The following ABCG4 variants were observed in gnomAD, a reference collection of about 807,000 sequenced individuals.
ABCG4 encodes the protein ATP-binding cassette sub-family G member 4.
In ABCG4, 35 loss-of-function variants were observed where a neutral mutation model predicts 64.6. The ratio of observed to expected loss-of-function variants is 0.54; its 90% CI spans 0.41 to 0.72. The LOEUF (loss-of-function observed/expected upper bound fraction) is 0.72, where lower values mean the gene tolerates loss of function less well. ABCG4 is among the 30% of genes least tolerant of loss of function. The pLI is 0.00. For missense variants in ABCG4, 610 were observed against 846.3 expected (o/e 0.72, Z 3.46); for synonymous variants, 326 against 348.2 (o/e 0.94, Z 0.71).
chr11:119,153,970 G>A, intron 2 of ABCG4, 56 bp from the exon 3 acceptor site: 1 of 1,455,814 alleles, frequency 6.9e-7, no homozygotes, highest in Non-Finnish European at 9.6e-7. Context: ...TAAGAATTTT[G>A]GGGGTACCTC....
Position 119,156,856 on chromosome 11 carries a change from C to T in ABCG4, c.926-16C>T, listed in dbSNP as rs1201347026. The T allele has an allele frequency of 5.6e-6, 9 of 1,602,768 alleles. No homozygotes were observed. The highest frequency in any genetic ancestry group is 7.7e-6 in the Non-Finnish European group (9 of 1,173,936). On this transcript the variant is annotated splice_polypyrimidine_tract_variant and intron_variant, in intron 8 of 14. Transcript: ENST00000619701. This position sits in a 1 kb window ranked among gnomAD's most constrained non-coding sequence, Gnocchi z 5.5. ...GAGTGTGAATCTAAACTGAGCTCTCCACTCTGTGTCCCCAGTCATCGAGGT... is the reference window on the plus strand; with the variant it reads ...GAGTGTGAATCTAAACTGAGCTCTCTACTCTGTGTCCCCAGTCATCGAGGT...
Position 119,150,254 on chromosome 11 carries a change from C to T in ABCG4, c.238+51C>T, listed in dbSNP as rs748123179. The T allele has an allele frequency of 1.3e-6, 2 of 1,585,394 alleles. No homozygotes were observed. Among genetic ancestry groups the T allele is most frequent in the Admixed American group, 3.4e-5 (2 of 58,638 alleles). On this transcript the variant is annotated intron_variant, in intron 2 of 14. Transcript: ENST00000619701. The surrounding 1 kb of genome is among the most constrained non-coding windows in gnomAD (Gnocchi z 4.3). ...TCCGTGGGCCCTCTCTGAGTTGCCT[C>T]TCCAGAAGCATGAGGCCTGGGTGTC... is the stretch of plus-strand genomic sequence containing the variant.
rs1948241546 is a variant in ABCG4, at chr11:119,154,658, G to T, written c.540+83G>T. 6.3e-7 allele frequency: 1 copy of T among 1,598,154 alleles called. No homozygotes were observed. The highest frequency in any genetic ancestry group is 1.3e-5 in the African/African-American group (1 of 74,282). ...GGCCCCGAGCTGGGAGTGGGAGAGTGGTGGCCTAGGCCGAGACAATGCACT... is the reference window on the plus strand; with the variant it reads ...GGCCCCGAGCTGGGAGTGGGAGAGTTGTGGCCTAGGCCGAGACAATGCACT... On this transcript the variant is annotated intron_variant, in intron 5 of 14. Coordinates refer to ENST00000619701, the MANE Select transcript of ABCG4 (RefSeq NM_022169.5). The surrounding 1 kb of genome is among the most constrained non-coding windows in gnomAD (Gnocchi z 7.0).
In ABCG4 at chr11:119,156,747, A is replaced by T; in HGVS notation, c.925+69A>T. 1 of 1,596,050 alleles carries T rather than the reference A, an allele frequency of 6.3e-7. No individual in the cohort carries two copies. Among genetic ancestry groups the T allele is most frequent in the Non-Finnish European group, 8.6e-7 (1 of 1,164,370 alleles). Reference sequence around the variant, plus strand: ...CCGAACCTGGGGTCTCTGGTCTTGCACTCAGGCCTCCTAGGGGTAGAGATC... The same window carrying T: ...CCGAACCTGGGGTCTCTGGTCTTGCTCTCAGGCCTCCTAGGGGTAGAGATC... On this transcript the variant is annotated intron_variant, in intron 8 of 14. Coordinates refer to ENST00000619701, the MANE Select transcript of ABCG4 (RefSeq NM_022169.5). This position sits in a 1 kb window ranked among gnomAD's most constrained non-coding sequence, Gnocchi z 5.5.
At chr11:119,159,005 C>T in intron 12 of ABCG4, 76 bp downstream of exon 12, 1 of 1,404,564 alleles carries the variant, frequency 7.1e-7, no homozygotes, top group Non-Finnish European at 1.0e-6. Context: ...TTGCCTCCCT[C>T]AAACTTGTCA....
Position 119,156,960 on chromosome 11 carries a change from G to T in ABCG4, c.1014G>T (p.Lys338Asn). The T allele has an allele frequency of 6.2e-7, 1 of 1,613,996 alleles. No homozygotes were observed. The highest frequency in any genetic ancestry group is 8.5e-7 in the Non-Finnish European group (1 of 1,179,950). Residue 338 changes from lysine to asparagine, a missense_variant, in exon 9 of 15, where the codon AAG becomes AAT. By Grantham distance (94) the Lys-to-Asn change is moderately conservative. Coordinates refer to ENST00000619701, the MANE Select transcript of ABCG4 (RefSeq NM_022169.5). The surrounding 1 kb of genome is among the most constrained non-coding windows in gnomAD (Gnocchi z 5.5). ...VQNGLCAMAE[K>N]KSSPEKNEVP... ...ATGGGCTGTGCGCTATGGCTGAGAAGAAGAGCAGCCCTGAGAAGAACGAGG... is the reference window on the plus strand; with the variant it reads ...ATGGGCTGTGCGCTATGGCTGAGAATAAGAGCAGCCCTGAGAAGAACGAGG...
Position 119,158,883 on chromosome 11 carries a change from T to C in ABCG4, c.1391T>C (p.Leu464Pro). ...GAGCACCTCAACTACTGGTACAGCC[T>C]CAAAGCGTATTACCTGGCCAAGACC... ...MREHLNYWYS[L>P]KAYYLAKTMA... Residue 464 changes from leucine (L) to proline (P), a missense_variant, in exon 12 of 15, where the codon CTC becomes CCC. By Grantham distance (98) the Leu-to-Pro change is moderately conservative. Coordinates refer to ENST00000619701, the MANE Select transcript of ABCG4 (RefSeq NM_022169.5). This position sits in a 1 kb window ranked among gnomAD's most constrained non-coding sequence, Gnocchi z 4.5. 6.2e-7 allele frequency: 1 copy of C among 1,614,218 alleles called. No homozygotes were observed. Among genetic ancestry groups the C allele is most frequent in the Non-Finnish European group, 8.5e-7 (1 of 1,180,032 alleles).
rs1321691506 is a variant in ABCG4 at position 119,156,455 on chromosome 11, G to A, written c.810+3G>A. The stretch of plus-strand genomic sequence containing the variant: ...AGCTCTTTGAGATGTTTGACAAGGT[G>A]AGTGTCTCCAGGCCTCAAGGAGGAT... On this transcript the variant is annotated splice_donor_region_variant and intron_variant, in intron 7 of 14. Coordinates refer to ENST00000619701, the MANE Select transcript of ABCG4 (RefSeq NM_022169.5). The surrounding 1 kb of genome is among the most constrained non-coding windows in gnomAD (Gnocchi z 5.5). 1.2e-6 allele frequency: 2 copies of A among 1,614,128 alleles called. No homozygotes were observed. The highest frequency in any genetic ancestry group is 2.7e-5 in the African/African-American group (2 of 75,048).
chr11:119,158,427 T>C lies in ABCG4; in HGVS notation c.1167+95T>C. The C allele has an allele frequency of 6.4e-7, 1 of 1,556,990 alleles. No homozygotes were observed. The highest frequency in any genetic ancestry group is 8.9e-7 in the Non-Finnish European group (1 of 1,129,698). ...CTGAAATGGGAATGGGGACCCTCCC[T>C]CACAGCCCTGCAATGTGCCTGTGGG... is the stretch of plus-strand genomic sequence containing the variant. On this transcript the variant is annotated intron_variant, in intron 10 of 14. Coordinates refer to ENST00000619701, the MANE Select transcript of ABCG4 (RefSeq NM_022169.5). The surrounding 1 kb of genome is among the most constrained non-coding windows in gnomAD (Gnocchi z 4.5).
In ABCG4 at chr11:119,158,398, G is replaced by A. The variant is rs759214504; in HGVS notation, c.1167+66G>A. Reference sequence around the variant, plus strand: ...TGACCTTTTGGGCTGTAGGATCCCAGCAGCTGAAATGGGAATGGGGACCCT... The same window carrying A: ...TGACCTTTTGGGCTGTAGGATCCCAACAGCTGAAATGGGAATGGGGACCCT... On this transcript the variant is annotated intron_variant, in intron 10 of 14. Transcript: ENST00000619701. The surrounding 1 kb of genome is among the most constrained non-coding windows in gnomAD (Gnocchi z 4.5). 1.5e-5 allele frequency: 23 copies of A among 1,580,998 alleles called. No homozygotes were observed. The highest frequency in any genetic ancestry group is 1.9e-5 in the Non-Finnish European group (22 of 1,151,272).
rs150041774 is a variant in ABCG4, at chr11:119,156,048, T to A, written c.687-281T>A. 2.4e-6 allele frequency: 1 copy of A among 411,120 alleles called. No homozygotes were observed. The allele number at this position is 411,120 out of a possible 1,614,324, so 25.5% of individuals were successfully genotyped here. ...ACCCAAAATCATCTGTGTGCTTGTC[T>A]CTCTCTCCTTCCAGACCAGAGTCTA... On this transcript the variant is annotated intron_variant, in intron 6 of 14. Transcript: ENST00000619701. This position sits in a 1 kb window ranked among gnomAD's most constrained non-coding sequence, Gnocchi z 5.5.
chr11:119,154,264 T>C lies in ABCG4; in HGVS notation c.361T>C (p.Ser121Pro). The C allele has an allele frequency of 6.2e-7, 1 of 1,613,770 alleles. No individual in the cohort carries two copies. The highest frequency in any genetic ancestry group is 8.5e-7 in the Non-Finnish European group (1 of 1,179,914). The change falls in exon 4 of 15, where the codon TCT becomes CCT. Residue 121 changes from serine to proline, a missense_variant. Ser to Pro is a moderately conservative substitution (Grantham distance 74). Coordinates refer to ENST00000619701, the MANE Select transcript of ABCG4 (RefSeq NM_022169.5). This position sits in a 1 kb window ranked among gnomAD's most constrained non-coding sequence, Gnocchi z 7.0. ...CCTCAACCCACATCCCTGCAGGGAG[T>C]CTGGAATGAAGGGGCAGATCCTGGT... The part of the protein sequence containing the change: ...FMNILAGYRE[S>P]GMKGQILVNG...
chr11:119,158,264 G>A lies in ABCG4; in HGVS notation c.1099G>A (p.Ala367Thr), dbSNP rs1948294419. 1 of 1,600,362 alleles carries A rather than the reference G, an allele frequency of 6.2e-7. No individual in the cohort carries two copies. The highest frequency in any genetic ancestry group is 1.1e-5 in the South Asian group (1 of 90,398). Reference sequence around the variant, plus strand: ...GGATCCCATTGAAAGCCACACCTTTGCCACCAGCACCCTCACACAGTTCTG... The same window carrying A: ...GGATCCCATTGAAAGCCACACCTTTACCACCAGCACCCTCACACAGTTCTG... ...EVDPIESHTF[A>T]TSTLTQFCIL... Residue 367 changes from alanine (A) to threonine (T), a missense_variant, in exon 10 of 15, where the codon GCC (alanine) becomes ACC (threonine). Transcript: ENST00000619701. This position sits in a 1 kb window ranked among gnomAD's most constrained non-coding sequence, Gnocchi z 4.5.
In ABCG4 at chr11:119,158,274, C is replaced by G; in HGVS notation, c.1109C>G (p.Thr370Ser). Reference protein sequence around the residue: ...PIESHTFATSTLTQFCILFKR... With the variant: ...PIESHTFATSSLTQFCILFKR... ...GAAAGCCACACCTTTGCCACCAGCA[C>G]CCTCACACAGTTCTGCATCCTCTTC... is the stretch of plus-strand genomic sequence containing the variant. The change falls in exon 10 of 15, where the codon ACC (threonine) becomes AGC (serine). Residue 370 changes from threonine to serine, a missense_variant. Physicochemically the swap from Thr to Ser is moderately conservative, Grantham distance 58. Transcript: ENST00000619701. The surrounding 1 kb of genome is among the most constrained non-coding windows in gnomAD (Gnocchi z 4.5). The G allele has an allele frequency of 6.2e-7, 1 of 1,610,622 alleles. No individual in the cohort carries two copies. Among genetic ancestry groups the G allele is most frequent in the Non-Finnish European group, 8.5e-7 (1 of 1,177,318 alleles).
At position 119,156,519 on chromosome 11, in the gene ABCG4, T is replaced by G. The variant is rs752816611; in HGVS notation, c.811-45T>G. The G allele has an allele frequency of 5.6e-6, 9 of 1,613,608 alleles. No individual in the cohort carries two copies. Among genetic ancestry groups the G allele is most frequent in the African/African-American group, 1.3e-5 (1 of 74,856 alleles). ...AGGGATGGAAGGGGGTCAGTAGGGG[T>G]GCCTGGCCCGCTGTTCCTTCCTTAC... On this transcript the variant is annotated intron_variant, in intron 7 of 14. Coordinates refer to ENST00000619701, the MANE Select transcript of ABCG4 (RefSeq NM_022169.5). The surrounding 1 kb of genome is among the most constrained non-coding windows in gnomAD (Gnocchi z 5.5).
At chr11:119,151,771 G>A (rs1004402707) in intron 2 of ABCG4, among the ~76,000 whole-genome samples, 1 of 152,176 alleles carries the variant, frequency 6.6e-6, no homozygotes, top group Non-Finnish European at 1.5e-5. Context: ...AGCTACTGAC[G>A]GCGGCAGAAC....
chr11:119,156,498 A>C lies in ABCG4; in HGVS notation c.810+46A>C, dbSNP rs1268764104. On this transcript the variant is annotated intron_variant, in intron 7 of 14. Coordinates refer to ENST00000619701, the MANE Select transcript of ABCG4 (RefSeq NM_022169.5). This position sits in a 1 kb window ranked among gnomAD's most constrained non-coding sequence, Gnocchi z 5.5. ...AGGAGGATTGGCCTGAGATGGAGGG[A>C]TGGAAGGGGGTCAGTAGGGGTGCCT... is the stretch of plus-strand genomic sequence containing the variant. The C allele has an allele frequency of 6.2e-7, 1 of 1,614,064 alleles. No homozygotes were observed. Among genetic ancestry groups the C allele is most frequent in the Admixed American group, 1.7e-5 (1 of 60,022 alleles).
chr11:119,152,657 C>T (rs1436179154), intron 2 of ABCG4, among the ~76,000 whole-genome samples: 1 of 152,232 alleles, frequency 6.6e-6, no homozygotes, highest in Non-Finnish European at 1.5e-5. Context: ...CTCACCAGGT[C>T]ACTCCATGTA....
Position 119,150,289 on chromosome 11 carries a change from G to T in ABCG4, c.238+86G>T. The T allele has an allele frequency of 6.5e-7, 1 of 1,530,154 alleles. No homozygotes were observed. The highest frequency in any genetic ancestry group is 1.2e-5 in the South Asian group (1 of 82,072). The allele number at this position is 1,530,154 out of a possible 1,614,324, so 94.8% of individuals were successfully genotyped here. A position where few individuals can be genotyped will look rare whatever the true frequency, so the allele number is the denominator to read the frequency against. On this transcript the variant is annotated intron_variant, in intron 2 of 14. Transcript: ENST00000619701. The surrounding 1 kb of genome is among the most constrained non-coding windows in gnomAD (Gnocchi z 4.3). ...ATGAGGCCTGGGTGTCCCATGTTCG[G>T]AAAGTCCTGCACCAGTGGGCTCTGT...
Sources: gnomAD v4.1 joint callset for allele counts (sites outside exome capture counted in the v4.1 genomes callset) on GRCh38, gnomAD v4.1.1 for gene constraint, Gnocchi (gnomAD v3.1) non-coding constraint, MANE v1.5 for transcripts, NCBI Gene and HGNC (gene_info 2026-07-23, HGNC 2026-07-21) for gene names.